The following TMEM183A variants were observed in gnomAD, a reference collection of about 807,000 sequenced individuals.
TMEM183A encodes the protein transmembrane protein 183A.
A neutral mutation model predicts 46.7 loss-of-function variants in TMEM183A; 21 were observed. The observed-to-expected ratio is 0.45, with a 90% CI of 0.32 to 0.65. The LOEUF (loss-of-function observed/expected upper bound fraction) is 0.65, where lower values mean the gene tolerates loss of function less well. Among genes scored for constraint, TMEM183A ranks in the 30% least tolerant of loss-of-function variants. TMEM183A has a pLI of 0.04. For synonymous variants in TMEM183A, 165 were observed against 180.2 expected, an observed-to-expected ratio of 0.92 and a Z score of 0.68; for missense variants, 331 against 481.9, an observed-to-expected ratio of 0.69 and a Z score of 2.93.
chr1:203,021,030 T>A, intron 7 of TMEM183A, 82 bp downstream of exon 7: 4 of 1,019,782 alleles, frequency 3.9e-6, no homozygotes, highest in Non-Finnish European at 5.2e-6. Flanking sequence ...CGCAGCTCTT[T>A]TTTTTTTTTT....
chr1:203,012,278 C>CACACACACACACACA (rs58503894), intron 3 of TMEM183A, among the ~76,000 whole-genome samples: 1 of 147,162 alleles, frequency 6.8e-6, no homozygotes. Flanking sequence ...CACACACACA[C>CACACACACACACACA]GGTTATTTTG....
intron 3 of TMEM183A, 51 bp from the exon 4 acceptor site, chr1:203,014,838 A>C: frequency 2.5e-6 from 4 of 1,597,012 alleles, no homozygotes; most frequent in Admixed American, 1.7e-5. Context: ...ATTATCGAGT[A>C]TCTTTAGATA....
At position 203,013,450 on chromosome 1, in the gene TMEM183A, A is replaced by G. The variant is rs957935404; in HGVS notation, c.368-1439A>G. ...TATAGTGGACATCAAGGTCAAGAGA[A>G]TTAATGCTAATGAGTTCTGGAGAAT... On this transcript the variant is annotated intron_variant, in intron 3 of 7. Coordinates refer to ENST00000367242, the MANE Select transcript of TMEM183A (RefSeq NM_138391.6). This position sits in a 1 kb window ranked among gnomAD's most constrained non-coding sequence, Gnocchi z 4.0. 3.3e-5 allele frequency among the ~76,000 whole-genome samples: 5 copies of G among 152,194 alleles called. No individual in the cohort carries two copies. Among genetic ancestry groups the G allele is most frequent in the African/African-American group, 1.2e-4 (5 of 41,454 alleles).
rs902768245 is a variant in TMEM183A, at chr1:203,007,664, C to T, written c.109+90C>T. The T allele has an allele frequency of 2.8e-4, 430 of 1,540,622 alleles. 5 individuals carry two copies. The highest frequency in any genetic ancestry group is 1.2e-4 in the Admixed American group (6 of 51,040). On this transcript the variant is annotated intron_variant, in intron 1 of 7. Coordinates refer to ENST00000367242, the MANE Select transcript of TMEM183A (RefSeq NM_138391.6). ...GTGCCGAGGTGAGCGCTCGCGTGCC[C>T]GCGGCTGGAGGGCGGCTCGGTCCGG...
chr1:203,012,235 T>TCTCACACACACACACACACACACACACA (rs370305350), intron 3 of TMEM183A, among the ~76,000 whole-genome samples: 3 of 80,790 alleles, frequency 3.7e-5, no homozygotes, highest in Non-Finnish European at 7.1e-5. Context: ...CCCCACTCCA[T>TCTCACACACACACACACACACACACACA]CACACACACA....
chr1:203,007,892 C>T (rs753359733), intron 2 of TMEM183A, 29 bp downstream of exon 2: 7 of 1,613,114 alleles, frequency 4.3e-6, no homozygotes, highest in Middle Eastern at 1.7e-4. Context: ...TTTAAAGACT[C>T]ATGCCGCGAA....
rs973586154 is a variant in TMEM183A, at chr1:203,013,858, C to T, written c.368-1031C>T. Among the ~76,000 whole-genome samples, 2 of 151,482 alleles carry T rather than the reference C, an allele frequency of 1.3e-5. No homozygotes were observed. Among genetic ancestry groups the T allele is most frequent in the African/African-American group, 2.4e-5 (1 of 41,150 alleles). ...TGCAACCTCCACCTCCTGGTTCAAG[C>T]GATTCTCCTGCCTCAGCCTCCCACG... On this transcript the variant is annotated intron_variant, in intron 3 of 7. Transcript: ENST00000367242. The surrounding 1 kb of genome is among the most constrained non-coding windows in gnomAD (Gnocchi z 4.0).
At chr1:203,018,121 T>A (rs1657336935) in intron 5 of TMEM183A, among the ~76,000 whole-genome samples, 1 of 152,240 alleles carries the variant, frequency 6.6e-6, no homozygotes, top group Non-Finnish European at 1.5e-5. Context: ...GGCTGCTGGC[T>A]CTCCTTACAT....
At chr1:203,009,616 G>A (rs1334574103) in intron 3 of TMEM183A, among the ~76,000 whole-genome samples, 2 of 152,020 alleles carry the variant, frequency 1.3e-5, no homozygotes, top group African/African-American at 4.8e-5. Flanking sequence ...TGAGTAGCTG[G>A]GACTACAGGT....
At chr1:203,019,475 G>T (rs1056219214) in intron 6 of TMEM183A, among the ~76,000 whole-genome samples, 1 of 152,156 alleles carries the variant, frequency 6.6e-6, no homozygotes, top group African/African-American at 2.4e-5. Context: ...TGATAATGTG[G>T]TTATATGTAA....
At chr1:203,012,056 T>A (rs1412406867) in intron 3 of TMEM183A, among the ~76,000 whole-genome samples, 1 of 151,410 alleles carries the variant, frequency 6.6e-6, no homozygotes. Context: ...TATTAAAAAG[T>A]TTTTTTTCTC....
chr1:203,018,669 G>A, intron 6 of TMEM183A, 108 bp downstream of exon 6: 1 of 1,256,616 alleles, frequency 8.0e-7, no homozygotes, highest in East Asian at 2.4e-5. Flanking sequence ...CAGATTCTGG[G>A]TAACTTAAAA....
At chr1:203,019,024 C>T (rs1657427626) in intron 6 of TMEM183A, among the ~76,000 whole-genome samples, 1 of 152,128 alleles carries the variant, frequency 6.6e-6, no homozygotes, top group Admixed American at 6.5e-5. Flanking sequence ...CAAATCATAA[C>T]ACTAGGCATG....
Position 203,023,668 on chromosome 1 carries a change from C to G in TMEM183A, c.*628C>G, listed in dbSNP as rs988203042. On this transcript the variant is annotated 3_prime_UTR_variant, in exon 8 of 8. Transcript: ENST00000367242. ...TGATAATGGTGATGATGACTTTATA[C>G]CCTTGGTACTATACTAGGAACTTTA... 6.5e-6 allele frequency: 1 copy of G among 152,740 alleles called. No individual in the cohort carries two copies. Among genetic ancestry groups the G allele is most frequent in the African/African-American group, 2.4e-5 (1 of 41,412 alleles). The allele number at this position is 152,740 out of a possible 1,614,324, so 9.5% of individuals were successfully genotyped here.
chr1:203,018,651 C>A, intron 6 of TMEM183A, 90 bp downstream of exon 6: 1 of 1,374,122 alleles, frequency 7.3e-7, no homozygotes, highest in Non-Finnish European at 1.0e-6. Context: ...GTTGCTATAA[C>A]AGTACCACAG....
chr1:203,018,056 A>G, intron 5 of TMEM183A: 4 of 632,968 alleles, frequency 6.3e-6, no homozygotes, highest in Non-Finnish European at 5.9e-6. Context: ...GTTTGCTTCT[A>G]TTATAGGGCC....
At chr1:203,015,863 G>C in intron 4 of TMEM183A, 97 bp from the exon 5 acceptor site, 1 of 1,460,582 alleles carries the variant, frequency 6.8e-7, no homozygotes, top group South Asian at 1.3e-5. Context: ...GTGGAATAGT[G>C]CAGTAAAGTT....
In TMEM183A at chr1:203,007,421, C is replaced by T. The variant is rs1032438038; in HGVS notation, c.-45C>T. The T allele has an allele frequency of 8.8e-6, 12 of 1,363,052 alleles. No homozygotes were observed. The highest frequency in any genetic ancestry group is 1.6e-5 in the South Asian group (1 of 61,370). The allele number at this position is 1,363,052 out of a possible 1,614,324, so 84.4% of individuals were successfully genotyped here. The stretch of plus-strand genomic sequence containing the variant: ...GGTGTGGGATGGCCGCGGAGCCGGG[C>T]GGAGCTGGCTTGCGGCTCCCGGGGC... On this transcript the variant is annotated 5_prime_UTR_variant, in exon 1 of 8. Coordinates refer to ENST00000367242, the MANE Select transcript of TMEM183A (RefSeq NM_138391.6).
Position 203,016,151 on chromosome 1 carries a change from A to G in TMEM183A, c.708+11A>G. 2 of 1,614,060 alleles carry G rather than the reference A, an allele frequency of 1.2e-6. No homozygotes were observed. Among genetic ancestry groups the G allele is most frequent in the African/African-American group, 1.3e-5 (1 of 75,038 alleles). ...TTAAAGAATTCCAAAGTAAGTGAGAATTTGTGTTGGGGTTTGACTAATGAA... is the reference window on the plus strand; with the variant it reads ...TTAAAGAATTCCAAAGTAAGTGAGAGTTTGTGTTGGGGTTTGACTAATGAA... On this transcript the variant is annotated intron_variant, in intron 5 of 7. Transcript: ENST00000367242.
Sources: gnomAD v4.1 joint callset for allele counts (sites outside exome capture counted in the v4.1 genomes callset) on GRCh38, gnomAD v4.1.1 for gene constraint, Gnocchi (gnomAD v3.1) non-coding constraint, MANE v1.5 for transcripts, NCBI Gene and HGNC (gene_info 2026-07-23, HGNC 2026-07-21) for gene names.